EIF1AX: variants seen among roughly 807,000 people sequenced by gnomAD.
EIF1AX encodes eukaryotic translation initiation factor 1A X-linked, also known as eukaryotic translation initiation factor 1A, X-chromosomal.
EIF1AX carries 1 observed loss-of-function variant against 16.1 expected under a neutral mutation model. The observed-to-expected ratio is 0.06, with a 90% CI of 0.02 to 0.30. The LOEUF (loss-of-function observed/expected upper bound fraction) is 0.30, where lower values mean the gene tolerates loss of function less well. EIF1AX is among the 10% of genes least tolerant of loss of function. The probability of loss-of-function intolerance (pLI) is 1.00; values close to 1 mark genes in which losing one functional copy is unlikely to be tolerated. For synonymous variants in EIF1AX, 32 were observed against 37.3 expected (o/e 0.86, Z 0.51); for missense variants, 11 against 109.1 (o/e 0.10, Z 4.00).
chrX:20,137,085 A>C (rs1428406388), intron 2 of EIF1AX, among the ~76,000 whole-genome samples: 1 of 111,930 alleles, frequency 8.9e-6, no homozygotes, highest in East Asian at 2.8e-4. Context: ...TTGCACTTAG[A>C]AGATACATGA....
rs1393621606 is a variant in EIF1AX at position 20,126,009 on chromosome X, A to C, written c.*2297T>G. 7.4e-6 allele frequency: 1 copy of C among 135,795 alleles called. No homozygotes were observed. Among genetic ancestry groups the C allele is most frequent in the Admixed American group, 9.1e-5 (1 of 10,959 alleles). The allele number at this position is 135,795 out of a possible 1,213,427, so 11.2% of individuals were successfully genotyped here. ...GTTATTTAGCCACACTAGTGATAAA[A>C]CATATTCATATTCTAACTGCAAGTG... is the stretch of plus-strand genomic sequence containing the variant. On this transcript the variant is annotated 3_prime_UTR_variant, in exon 7 of 7. Coordinates refer to ENST00000379607, the MANE Select transcript of EIF1AX (RefSeq NM_001412.4).
chrX:20,129,645 C>T (rs1603414912), intron 6 of EIF1AX, among the ~76,000 whole-genome samples: 1 of 112,092 alleles, frequency 8.9e-6, no homozygotes, highest in Non-Finnish European at 1.9e-5. Context: ...AAAGACAATC[C>T]ATTTTCCTCA....
intron 4 of EIF1AX, among the ~76,000 whole-genome samples, chrX:20,132,758 T>C (rs1431890802): frequency 8.9e-6 from 1 of 112,214 alleles, no homozygotes; most frequent in Non-Finnish European, 1.9e-5. Context: ...GAAGACAGAT[T>C]AGTAGATGTG....
chrX:20,125,614 A>G lies in EIF1AX; in HGVS notation c.*2692T>C, dbSNP rs1299408576. ...TTGTTGTTAAGTCTGTATACAAGTAAAGTATAAATCTAGCTATTTTACTCA... is the reference window on the plus strand; with the variant it reads ...TTGTTGTTAAGTCTGTATACAAGTAGAGTATAAATCTAGCTATTTTACTCA... On this transcript the variant is annotated 3_prime_UTR_variant, in exon 7 of 7. Transcript: ENST00000379607. The G allele has an allele frequency of 6.0e-6, 1 of 166,522 alleles. No individual in the cohort carries two copies. The highest frequency in any genetic ancestry group is 1.2e-5 in the Non-Finnish European group (1 of 86,585). 13.7% of individuals were successfully genotyped at this position (166,522 alleles called of 1,213,427 possible).
intron 6 of EIF1AX, among the ~76,000 whole-genome samples, 199 bp downstream of exon 6, chrX:20,130,302 CAAAAAAAAAAAAAAA>C (rs773734086): frequency 5.4e-3 from 154 of 28,491 alleles, no homozygotes; most frequent in South Asian, 0.022. Context: ...AACTCCATCA[CAAAAAAAAAAAAAAA>C]AAAAAAAAAA....
intron 5 of EIF1AX, 38 bp downstream of exon 5, chrX:20,132,144 T>C: frequency 9.2e-7 from 1 of 1,081,342 alleles, no homozygotes; most frequent in South Asian, 2.0e-5. Context: ...ATAACCTAAA[T>C]ACCATATGAC....
At chrX:20,130,415 T>C (rs1216405092) in intron 6 of EIF1AX, 101 bp downstream of exon 6, 1 of 859,796 alleles carries the variant, frequency 1.2e-6, no homozygotes, top group East Asian at 4.2e-5. Context: ...TACAACCTTA[T>C]TTAAGTGTCC....
At chrX:20,137,652 T>G (rs1287996387) in intron 2 of EIF1AX, among the ~76,000 whole-genome samples, 1 of 111,597 alleles carries the variant, frequency 9.0e-6, no homozygotes, top group Non-Finnish European at 1.9e-5. Flanking sequence ...ACAATATTCT[T>G]CAGTCTAATA....
chrX:20,140,852 G>T (rs772367720), intron 1 of EIF1AX, among the ~76,000 whole-genome samples: 84 of 98,248 alleles, frequency 8.5e-4, no homozygotes, highest in Middle Eastern at 5.2e-3. Flanking sequence ...TTTTGTTTTT[G>T]TTTTTTTTTT....
At chrX:20,134,295 G>A (rs1302701854) in intron 3 of EIF1AX, among the ~76,000 whole-genome samples, 2 of 111,807 alleles carry the variant, frequency 1.8e-5, no homozygotes, top group African/African-American at 6.5e-5. Context: ...GGCTGAGGCT[G>A]GAGAATCACT....
In EIF1AX at chrX:20,125,252, G is replaced by T. The variant is rs13179; in HGVS notation, c.*3054C>A. ...AGCAACTTGCAGGGCTAGGAGGGGG[G>T]AATAAGAGAGGACAAAGTCCAATAC... is the stretch of plus-strand genomic sequence containing the variant. On this transcript the variant is annotated 3_prime_UTR_variant, in exon 7 of 7. Coordinates refer to ENST00000379607, the MANE Select transcript of EIF1AX (RefSeq NM_001412.4). The T allele has an allele frequency of 0.25, 40,079 of 163,023 alleles. 4,991 individuals are homozygous for T. The highest frequency in any genetic ancestry group is 0.52 in the African/African-American group (17,146 of 32,912). The allele number at this position is 163,023 out of a possible 1,213,427, so 13.4% of individuals were successfully genotyped here.
In EIF1AX at chrX:20,138,521, A is replaced by G. The variant is rs751362563; in HGVS notation, c.100+18T>C. 3.2e-5 allele frequency: 37 copies of G among 1,148,896 alleles called. No homozygotes were observed. In the South Asian group the frequency reaches 6.5e-4, roughly 20 times the overall value. The allele number at this position is 1,148,896 out of a possible 1,213,427, so 94.7% of individuals were successfully genotyped here. A position where few individuals can be genotyped will look rare whatever the true frequency, so the allele number is the denominator to read the frequency against. ...AAAGGATGTTATTTTAAAAAGCGTA[A>G]TTTATGAAAACACTTACCCTGACCA... On this transcript the variant is annotated intron_variant, in intron 2 of 6. Coordinates refer to ENST00000379607, the MANE Select transcript of EIF1AX (RefSeq NM_001412.4).
At chrX:20,139,333 C>G (rs1032368900) in intron 1 of EIF1AX, among the ~76,000 whole-genome samples, 13 of 112,396 alleles carry the variant, frequency 1.2e-4, no homozygotes, top group African/African-American at 4.2e-4. Context: ...ATGCTCTTAA[C>G]CACTATGCAA....
intron 3 of EIF1AX, among the ~76,000 whole-genome samples, 158 bp from the exon 4 acceptor site, chrX:20,134,165 T>C (rs1303373023): frequency 1.8e-5 from 2 of 112,145 alleles, no homozygotes; most frequent in Non-Finnish European, 3.8e-5. Flanking sequence ...GGTGGGCGGA[T>C]CACCTGAGGT....
In EIF1AX at chrX:20,125,785, T is replaced by C. The variant is rs887581974; in HGVS notation, c.*2521A>G. ...AGTTAAATTACAAGTCACAAAGAGTTTGTAAGCAAACATTTATAGCCATGA... is the reference window on the plus strand; with the variant it reads ...AGTTAAATTACAAGTCACAAAGAGTCTGTAAGCAAACATTTATAGCCATGA... On this transcript the variant is annotated 3_prime_UTR_variant, in exon 7 of 7. Transcript: ENST00000379607. 3.8e-5 allele frequency: 6 copies of C among 157,635 alleles called. No homozygotes were observed. The highest frequency in any genetic ancestry group is 8.3e-5 in the Admixed American group (1 of 12,055). 13.0% of individuals were successfully genotyped at this position (157,635 alleles called of 1,213,427 possible).
At position 20,128,157 on chromosome X, in the gene EIF1AX, A is replaced by T. The variant is rs1160970092; in HGVS notation, c.*149T>A. Reference sequence around the variant, plus strand: ...ATAATTCAGCATTATTATCAGTTTTAAAAAAACCAAAAATATCTTAGAAAC... The same window carrying T: ...ATAATTCAGCATTATTATCAGTTTTTAAAAAACCAAAAATATCTTAGAAAC... On this transcript the variant is annotated 3_prime_UTR_variant, in exon 7 of 7. Transcript: ENST00000379607. The T allele has an allele frequency of 5.8e-6, 3 of 513,608 alleles. No individual in the cohort carries two copies. The highest frequency in any genetic ancestry group is 9.1e-6 in the Non-Finnish European group (3 of 329,288). 42.3% of individuals were successfully genotyped at this position (513,608 alleles called of 1,213,427 possible).
intron 2 of EIF1AX, 188 bp from the exon 3 acceptor site, chrX:20,136,029 A>G (rs1210963390): frequency 5.0e-6 from 2 of 403,065 alleles, no homozygotes; most frequent in Admixed American, 4.2e-5. Context: ...TAGAACTAAG[A>G]CTCTATGATG....
Position 20,136,677 on chromosome X carries a change from A to G in EIF1AX, c.101-836T>C, listed in dbSNP as rs867340192. Among the ~76,000 whole-genome samples the G allele has an allele frequency of 3.6e-5, 4 of 112,358 alleles. No individual in the cohort carries two copies. In the Middle Eastern group the frequency reaches 0.014, roughly 385 times the overall value. On this transcript the variant is annotated intron_variant, in intron 2 of 6. Coordinates refer to ENST00000379607, the MANE Select transcript of EIF1AX (RefSeq NM_001412.4). ...CTGAGACTTCATTTTGAAAGGCTCAACAGTGGGGATGACTTGTGGAAGTCA... is the reference window on the plus strand; with the variant it reads ...CTGAGACTTCATTTTGAAAGGCTCAGCAGTGGGGATGACTTGTGGAAGTCA...
rs1228181437 is a variant in EIF1AX, at chrX:20,125,668, AGAGTTACTCT to A, written c.*2628_*2637del. On this transcript the variant is annotated 3_prime_UTR_variant, in exon 7 of 7. Transcript: ENST00000379607. ...CATGCTTTTACCTATTTGATTACTC[AGAGTTACTCT>A]GAAATCAATAATGACAGCAGTTTAT... 1.8e-5 allele frequency: 3 copies of A among 162,862 alleles called. No individual in the cohort carries two copies. Among genetic ancestry groups the A allele is most frequent in the African/African-American group, 9.0e-5 (3 of 33,313 alleles). 13.4% of individuals were successfully genotyped at this position (162,862 alleles called of 1,213,427 possible).
Sources: gnomAD v4.1 joint callset for allele counts (sites outside exome capture counted in the v4.1 genomes callset) on GRCh38, gnomAD v4.1.1 for gene constraint, MANE v1.5 for transcripts, NCBI Gene and HGNC (gene_info 2026-07-23, HGNC 2026-07-21) for gene names.